USH2A: variants seen among roughly 807,000 people sequenced by gnomAD.
USH2A encodes the protein usherin.
USH2A carries 443 observed loss-of-function variants against 538.9 expected under a neutral mutation model. The ratio of observed to expected loss-of-function variants is 0.82; its 90% CI spans 0.76 to 0.89. USH2A has a LOEUF of 0.89. Ranked by LOEUF, USH2A falls within the 40% of genes least tolerant of loss-of-function variation. The pLI, the probability that USH2A is intolerant of heterozygous loss-of-function variation, is 0.00. For synonymous variants in USH2A, 2,413 were observed against 2,273.5 expected (o/e 1.06, Z -1.75); for missense variants, 6,633 against 6,324.8 (o/e 1.05, Z -1.65).
chr1:215,794,426 A>C (rs1046823256), intron 50 of USH2A, among the ~76,000 whole-genome samples: 5 of 152,322 alleles, frequency 3.3e-5, no homozygotes, highest in Non-Finnish European at 7.3e-5. Flanking sequence ...CGATATTATG[A>C]GATCCAAACA....
intron 11 of USH2A, among the ~76,000 whole-genome samples, chr1:216,284,102 C>T (rs915928151): frequency 2.6e-5 from 4 of 151,974 alleles, no homozygotes; most frequent in Non-Finnish European, 5.9e-5. Flanking sequence ...TATATATATA[C>T]ATATATACAC....
In USH2A at chr1:215,844,515, A is replaced by G; in HGVS notation, c.9056-19T>C. 3 of 1,603,054 alleles carry G rather than the reference A, an allele frequency of 1.9e-6. No homozygotes were observed. The highest frequency in any genetic ancestry group is 2.5e-6 in the Non-Finnish European group (3 of 1,178,942). On this transcript the variant is annotated intron_variant, in intron 45 of 71. Coordinates refer to ENST00000307340, the MANE Select transcript of USH2A (RefSeq NM_206933.4). ...TGAGGCTCTAGAATTAAAGGAAGAA[A>G]CTGAATAAACTCCAGCTGTCTCTGA...
chr1:216,042,424 A>G (rs1293593957), intron 32 of USH2A, among the ~76,000 whole-genome samples: 1 of 151,966 alleles, frequency 6.6e-6, no homozygotes, highest in African/African-American at 2.4e-5. Context: ...TTCTCTATGA[A>G]GAGATATTTC....
intron 56 of USH2A, among the ~76,000 whole-genome samples, chr1:215,761,127 G>A (rs139675552): frequency 2.7e-3 from 416 of 152,112 alleles, no homozygotes; most frequent in African/African-American, 9.9e-3. Context: ...TCCTACACCT[G>A]GGCTTTTGAA....
At chr1:215,931,795 A>G (rs1461720212) in intron 38 of USH2A, among the ~76,000 whole-genome samples, 2 of 152,026 alleles carry the variant, frequency 1.3e-5, no homozygotes, top group Non-Finnish European at 2.9e-5. Context: ...TTCCTACTCT[A>G]TAGGATCTTA....
chr1:216,246,800 G>A lies in USH2A; in HGVS notation c.2594C>T (p.Thr865Ile), dbSNP rs1278789362. ...INGSLLCNKSTGQCPCKLGVT... is the reference protein window; with the variant it reads ...INGSLLCNKSIGQCPCKLGVT... ...CCCTAATTTGCAAGGACATTGTCCTGTTGATTTGTTACACAGCAGAGAGCC... is the reference window on the plus strand; with the variant it reads ...CCCTAATTTGCAAGGACATTGTCCTATTGATTTGTTACACAGCAGAGAGCC... Residue 865 changes from threonine to isoleucine, a missense_variant, in exon 13 of 72, where the codon ACA becomes ATA. Transcript: ENST00000307340. 3.7e-6 allele frequency: 6 copies of A among 1,614,136 alleles called. No homozygotes were observed. The highest frequency in any genetic ancestry group is 5.1e-6 in the Non-Finnish European group (6 of 1,179,988).
chr1:215,687,319 A>T (rs1658459823), intron 61 of USH2A, among the ~76,000 whole-genome samples: 1 of 151,990 alleles, frequency 6.6e-6, no homozygotes, highest in African/African-American at 2.4e-5. Context: ...CTTTTACTCC[A>T]ACAACTCTCT....
intron 40 of USH2A, among the ~76,000 whole-genome samples, chr1:215,893,558 T>C (rs1665256879): frequency 6.6e-6 from 1 of 152,210 alleles, no homozygotes; most frequent in Admixed American, 6.5e-5. Flanking sequence ...CTAAAGTGTC[T>C]TGCATATAAT....
At position 216,048,537 on chromosome 1, in the gene USH2A, CT is replaced by C. The variant is rs769838859; in HGVS notation, c.6159del (p.Glu2054LysfsTer10). ...AAGACCTTTGAAATTACTTTACCTT[CT>C]TGTGGAGTAGAGATGTTCAATGCAT... ...SSHALNISTP[Q>X]EAPQEVQPPV... On this transcript the variant is annotated frameshift_variant, in exon 31 of 72. Transcript: ENST00000307340. LOFTEE classifies it high-confidence loss of function. The C allele has an allele frequency of 8.1e-6, 13 of 1,613,744 alleles. No individual in the cohort carries two copies. The highest frequency in any genetic ancestry group is 2.5e-6 in the Non-Finnish European group (3 of 1,179,658).
At chr1:215,900,621 A>T in intron 39 of USH2A, 134 bp downstream of exon 39, 1 of 1,156,440 alleles carries the variant, frequency 8.6e-7, no homozygotes, top group Non-Finnish European at 1.2e-6. Context: ...ATTATCCTCT[A>T]ATTGTTTGGG....
intron 61 of USH2A, among the ~76,000 whole-genome samples, chr1:215,698,787 G>C (rs1318150417): frequency 6.6e-6 from 1 of 152,132 alleles, no homozygotes; most frequent in Non-Finnish European, 1.5e-5. Context: ...TTTTCACTCT[G>C]ATGATAGTTT....
chr1:216,231,260 A>AT, intron 14 of USH2A, among the ~76,000 whole-genome samples: 1 of 89,808 alleles, frequency 1.1e-5, no homozygotes, highest in Admixed American at 1.4e-4. Context: ...TATATATATA[A>AT]TATATATATA....
chr1:215,857,464 A>C (rs1664199825), intron 44 of USH2A, among the ~76,000 whole-genome samples: 1 of 152,220 alleles, frequency 6.6e-6, no homozygotes, highest in Non-Finnish European at 1.5e-5. Context: ...GCCTTAAGCC[A>C]GAAGCCAGAA....
intron 14 of USH2A, among the ~76,000 whole-genome samples, chr1:216,223,996 T>C (rs927115141): frequency 6.6e-6 from 1 of 152,218 alleles, no homozygotes. Context: ...TCTGAGCCTT[T>C]ATTCTCCCTA....
chr1:215,689,731 G>A (rs1437513079), intron 61 of USH2A, among the ~76,000 whole-genome samples: 3 of 152,214 alleles, frequency 2.0e-5, no homozygotes, highest in Non-Finnish European at 4.4e-5. Flanking sequence ...CAGGAAGCCA[G>A]GGCCTCCCTC....
chr1:216,250,989 C>A lies in USH2A; in HGVS notation c.2081G>T (p.Cys694Phe). Residue 694 changes from cysteine (C) to phenylalanine (F), a missense_variant, in exon 12 of 72, where the codon TGT becomes TTT. Transcript: ENST00000307340. ...QELDPDGCSP[C>F]NCNTSGTVDG... ...CACTGTCCCAGAGGTATTGCAGTTA[C>A]AGGGACTGCAGCCATCAGGATCCAA... 6.2e-7 allele frequency: 1 copy of A among 1,614,044 alleles called. No homozygotes were observed. The highest frequency in any genetic ancestry group is 8.5e-7 in the Non-Finnish European group (1 of 1,179,996).
intron 69 of USH2A, among the ~76,000 whole-genome samples, chr1:215,634,968 TC>T (rs1656430492): frequency 6.6e-6 from 1 of 152,076 alleles, no homozygotes; most frequent in South Asian, 2.1e-4. Context: ...TCTTGACAAA[TC>T]CCTGGGAAAG....
intron 21 of USH2A, among the ~76,000 whole-genome samples, chr1:216,165,527 T>G (rs2034149585): frequency 1.3e-5 from 2 of 152,172 alleles, no homozygotes; most frequent in African/African-American, 2.4e-5. Context: ...CAATAGAGAC[T>G]AAACAAATTG....
rs1051216156 is a variant in USH2A at position 216,356,038 on chromosome 1, A to C, written c.784+8915T>G. On this transcript the variant is annotated intron_variant, in intron 4 of 71. Transcript: ENST00000307340. ...TTATAAATGAGAAAACATATTAGGA[A>C]ATTGGATTGAGAAGTTATATTCTTT... is the stretch of plus-strand genomic sequence containing the variant. Among the ~76,000 whole-genome samples, 142 of 152,278 alleles carry C rather than the reference A, an allele frequency of 9.3e-4. 1 individual carries two copies. Among genetic ancestry groups the C allele is most frequent in the African/African-American group, 3.2e-3 (135 of 41,582 alleles).
Sources: allele counts gnomAD v4.1 joint callset (sites outside exome capture counted in the v4.1 genomes callset), GRCh38; gene constraint gnomAD v4.1.1; transcripts MANE v1.5; gene names NCBI Gene and HGNC (gene_info 2026-07-23, HGNC 2026-07-21).